LRCH2: variants seen among roughly 807,000 people sequenced by gnomAD.
The protein encoded by LRCH2 is leucine rich repeats and calponin homology domain containing 2.
LRCH2 carries 38 observed loss-of-function variants against 68.9 expected under a neutral mutation model. The observed-to-expected ratio is 0.55, with a 90% CI of 0.43 to 0.72. The LOEUF is 0.72. Ranked by LOEUF, LRCH2 falls within the 30% of genes least tolerant of loss-of-function variation. LRCH2 has a pLI of 0.00. For synonymous variants in LRCH2, 191 were observed against 208.1 expected (o/e 0.92, Z 0.71); for missense variants, 528 against 572.9 (o/e 0.92, Z 0.80).
intron 1 of LRCH2, among the ~76,000 whole-genome samples, chrX:115,204,175 G>A (rs1407530018): frequency 1.8e-5 from 2 of 113,128 alleles, no homozygotes; most frequent in African/African-American, 6.4e-5. Context: ...AGCCACAGCT[G>A]AAGCTGGAGT....
chrX:115,192,621 G>C lies in LRCH2; in HGVS notation c.350-4251C>G, dbSNP rs782800955. 98 of 1,169,418 alleles carry C rather than the reference G, an allele frequency of 8.4e-5. 2 individuals carry two copies. The South Asian group carries it at 1.5e-3, about 18-fold the overall frequency. On this transcript the variant is annotated intron_variant, in intron 1 of 20. Coordinates refer to ENST00000317135, the MANE Select transcript of LRCH2 (RefSeq NM_020871.4). ...GCCGTCAAGGAGGCCGCTTCGAGAG[G>C]GGGGAAGGCCGGAGCAGATACTAAG... is the stretch of plus-strand genomic sequence containing the variant.
intron 19 of LRCH2, 51 bp downstream of exon 19, chrX:115,122,709 A>C: frequency 1.7e-6 from 2 of 1,183,936 alleles, no homozygotes; most frequent in Non-Finnish European, 2.3e-6. Flanking sequence ...AGACAATTTT[A>C]AGAAGCTATA....
intron 14 of LRCH2, among the ~76,000 whole-genome samples, chrX:115,149,314 T>G (rs1040224742): frequency 1.8e-5 from 2 of 111,243 alleles, no homozygotes; most frequent in Non-Finnish European, 3.8e-5. Context: ...TAACTAGAAA[T>G]GTGGGATAAT....
chrX:115,156,424 T>A (rs1347772950), intron 12 of LRCH2, among the ~76,000 whole-genome samples, 178 bp downstream of exon 12: 1 of 111,859 alleles, frequency 8.9e-6, no homozygotes, highest in Non-Finnish European at 1.9e-5. Flanking sequence ...GCATTTTTTA[T>A]TTTGCTTACA....
At chrX:115,232,740 GAAAT>G (rs1253983852) in intron 1 of LRCH2, among the ~76,000 whole-genome samples, 2 of 110,827 alleles carry the variant, frequency 1.8e-5, no homozygotes, top group African/African-American at 3.3e-5. Context: ...GATGAAAACA[GAAAT>G]AAATAACAAA....
chrX:115,208,168 G>A (rs2072982161), intron 1 of LRCH2, among the ~76,000 whole-genome samples: 1 of 111,946 alleles, frequency 8.9e-6, no homozygotes, highest in East Asian at 2.8e-4. Context: ...GTTATGGCAG[G>A]CACAAGAAAC....
At chrX:115,173,745 T>G (rs1198607271) in intron 5 of LRCH2, among the ~76,000 whole-genome samples, 1 of 111,579 alleles carries the variant, frequency 9.0e-6, no homozygotes, top group African/African-American at 3.3e-5. Flanking sequence ...GCAGGTCCAT[T>G]ATACATGGAT....
intron 20 of LRCH2, 92 bp downstream of exon 20, chrX:115,122,435 G>A: frequency 1.4e-6 from 1 of 694,005 alleles, no homozygotes; most frequent in Non-Finnish European, 2.2e-6. Flanking sequence ...TTCATGTTCA[G>A]AAAGCATTAT....
chrX:115,145,293 A>C (rs2147367473), intron 14 of LRCH2, among the ~76,000 whole-genome samples: 1 of 111,726 alleles, frequency 9.0e-6, no homozygotes, highest in East Asian at 2.8e-4. Flanking sequence ...ACAAAAATCA[A>C]ATCAAAATGG....
chrX:115,192,223 C>G, intron 1 of LRCH2: 1 of 1,158,411 alleles, frequency 8.6e-7, no homozygotes, highest in Non-Finnish European at 1.1e-6. Flanking sequence ...CGGCGGGGGC[C>G]GCGGCCTCAA....
At chrX:115,156,776 T>C in intron 11 of LRCH2, 109 bp from the exon 12 acceptor site, 1 of 401,705 alleles carries the variant, frequency 2.5e-6, no homozygotes, top group Non-Finnish European at 4.1e-6. Flanking sequence ...AGATCTTTGC[T>C]AGAAAATAAT....
At chrX:115,142,114 T>C (rs1474518188) in intron 14 of LRCH2, among the ~76,000 whole-genome samples, 3 of 111,271 alleles carry the variant, frequency 2.7e-5, no homozygotes, top group Non-Finnish European at 3.8e-5. Flanking sequence ...TCAGAGGATA[T>C]AGTGATTTGT....
At chrX:115,224,242 G>A (rs1185133188) in intron 1 of LRCH2, among the ~76,000 whole-genome samples, 2 of 111,543 alleles carry the variant, frequency 1.8e-5, no homozygotes, top group African/African-American at 3.3e-5. Flanking sequence ...AATGGAAAGG[G>A]ATTTATTTGT....
intron 14 of LRCH2, among the ~76,000 whole-genome samples, chrX:115,142,901 A>C (rs1556534819): frequency 9.0e-6 from 1 of 111,286 alleles, no homozygotes; most frequent in East Asian, 2.8e-4. Context: ...GGAGCTCAAG[A>C]CCAGCCTGGG....
intron 1 of LRCH2, among the ~76,000 whole-genome samples, chrX:115,220,531 T>C (rs1172684819): frequency 1.8e-5 from 2 of 111,497 alleles, no homozygotes; most frequent in Non-Finnish European, 3.8e-5. Flanking sequence ...ATCTTAACTT[T>C]GCACATGGCT....
intron 14 of LRCH2, among the ~76,000 whole-genome samples, chrX:115,148,159 G>A (rs1323275362): frequency 8.9e-6 from 1 of 112,272 alleles, no homozygotes; most frequent in Non-Finnish European, 1.9e-5. Context: ...AGATAAAGAG[G>A]CAGCCTAGCA....
At chrX:115,163,903 C>A in intron 10 of LRCH2, 120 bp from the exon 11 acceptor site, 1 of 444,492 alleles carries the variant, frequency 2.2e-6, no homozygotes, top group African/African-American at 2.4e-5. Flanking sequence ...ATCCTAGGTC[C>A]TTCTTTTAAA....
chrX:115,203,367 A>G (rs1329000818), intron 1 of LRCH2, among the ~76,000 whole-genome samples: 1 of 111,777 alleles, frequency 8.9e-6, no homozygotes, highest in Non-Finnish European at 1.9e-5. Flanking sequence ...CCCAAATCTC[A>G]TTTCCTTATC....
intron 1 of LRCH2, among the ~76,000 whole-genome samples, chrX:115,204,657 G>A (rs1238269272): frequency 2.7e-5 from 3 of 111,773 alleles, no homozygotes; most frequent in Non-Finnish European, 5.6e-5. Context: ...GGAGCAAAAT[G>A]CCATCAGTCT....
Sources: gnomAD v4.1 joint callset for allele counts (sites outside exome capture counted in the v4.1 genomes callset) on GRCh38, gnomAD v4.1.1 for gene constraint, MANE v1.5 for transcripts, NCBI Gene and HGNC (gene_info 2026-07-23, HGNC 2026-07-21) for gene names.